Variants in ERI3 observed in about 807,000 individuals in gnomAD.
ERI3 encodes ERI1 exoribonuclease 3.
Under a neutral mutation model 44.4 loss-of-function variants are expected in ERI3, and 18 were observed. The ratio of observed to expected loss-of-function variants is 0.41; its 90% CI spans 0.28 to 0.60. The LOEUF is 0.60. ERI3 is among the 20% of genes least tolerant of loss of function. The probability of loss-of-function intolerance (pLI) is 0.36; values close to 1 mark genes in which losing one functional copy is unlikely to be tolerated. For missense variants in ERI3, 294 were observed against 435.5 expected, an observed-to-expected ratio of 0.68 and a Z score of 2.89; for synonymous variants, 183 against 164.8, an observed-to-expected ratio of 1.11 and a Z score of -0.84.
At position 44,228,838 on chromosome 1, in the gene ERI3, C is replaced by T. The variant is rs911576893; in HGVS notation, c.932-7198G>A. On this transcript the variant is annotated intron_variant, in intron 8 of 8. Transcript: ENST00000372257. The surrounding 1 kb of genome is among the most constrained non-coding windows in gnomAD (Gnocchi z 4.3). ...CACCAGGAACTCAACTCAGATTTGG[C>T]GAGGCAAAGGACATGATTGGTCCCA... Among the ~76,000 whole-genome samples the T allele has an allele frequency of 2.6e-5, 4 of 152,198 alleles. No individual in the cohort carries two copies. The highest frequency in any genetic ancestry group is 6.5e-5 in the Admixed American group (1 of 15,288).
chr1:44,313,914 T>C (rs1646026709), intron 4 of ERI3, among the ~76,000 whole-genome samples: 1 of 152,098 alleles, frequency 6.6e-6, no homozygotes, highest in Admixed American at 6.6e-5. Context: ...GACTCAGGCC[T>C]ATGCTCCACC....
intron 7 of ERI3, among the ~76,000 whole-genome samples, chr1:44,272,962 T>C (rs959304611): frequency 6.6e-6 from 1 of 152,108 alleles, no homozygotes; most frequent in Non-Finnish European, 1.5e-5. Context: ...ATACCCAAAA[T>C]ACAAGTTCCA....
At chr1:44,349,216 G>A (rs958988648) in intron 2 of ERI3, among the ~76,000 whole-genome samples, 6 of 152,084 alleles carry the variant, frequency 3.9e-5, no homozygotes, top group African/African-American at 9.7e-5. Flanking sequence ...GCAGTGGCTC[G>A]ATCTCAGCTC....
chr1:44,229,509 C>A lies in ERI3; in HGVS notation c.932-7869G>T, dbSNP rs115250450. Among the ~76,000 whole-genome samples, 763 of 152,278 alleles carry A rather than the reference C, an allele frequency of 5.0e-3. 8 individuals carry two copies. The highest frequency in any genetic ancestry group is 0.017 in the African/African-American group (721 of 41,542). On this transcript the variant is annotated intron_variant, in intron 8 of 8. Coordinates refer to ENST00000372257, the MANE Select transcript of ERI3 (RefSeq NM_024066.3). ...CGCTGCCCCAGAGAGCCAATTACCC[C>A]GCCCTGATTGGGATCAGATAAAGAG...
intron 7 of ERI3, among the ~76,000 whole-genome samples, chr1:44,275,418 T>C (rs570599839): frequency 6.6e-6 from 1 of 152,304 alleles, no homozygotes; most frequent in East Asian, 1.9e-4. Flanking sequence ...AGCAAAGAAC[T>C]TCATTAAGGC....
In ERI3 at chr1:44,232,321, T is replaced by G. The variant is rs1053285036; in HGVS notation, c.932-10681A>C. ...GTTGGTAACCGTTTTTTTCTTTTGC[T>G]CTCTTGAAACATTTGATCAAATTGT... On this transcript the variant is annotated intron_variant, in intron 8 of 8. Transcript: ENST00000372257. 3.3e-5 allele frequency among the ~76,000 whole-genome samples: 5 copies of G among 152,088 alleles called. No individual in the cohort carries two copies. The South Asian group carries it at 1.0e-3, about 31-fold the overall frequency.
chr1:44,244,478 C>G (rs1341488302), intron 8 of ERI3, among the ~76,000 whole-genome samples: 1 of 152,190 alleles, frequency 6.6e-6, no homozygotes, highest in Non-Finnish European at 1.5e-5. Flanking sequence ...TGACAGAGCA[C>G]TGTGTCTGCC....
At chr1:44,330,649 T>G (rs1261507147) in intron 3 of ERI3, among the ~76,000 whole-genome samples, 1 of 151,954 alleles carries the variant, frequency 6.6e-6, no homozygotes, top group African/African-American at 2.4e-5. Flanking sequence ...TTGCTGGGGG[T>G]GGGGGTAGCT....
intron 7 of ERI3, among the ~76,000 whole-genome samples, chr1:44,275,259 T>C (rs1029400590): frequency 2.6e-5 from 4 of 152,134 alleles, no homozygotes; most frequent in African/African-American, 7.2e-5. Flanking sequence ...CTAGCTTCTG[T>C]AGCAGCTTAA....
intron 8 of ERI3, among the ~76,000 whole-genome samples, chr1:44,230,648 C>T (rs974396056): frequency 6.6e-6 from 1 of 152,242 alleles, no homozygotes; most frequent in Non-Finnish European, 1.5e-5. Flanking sequence ...CCCAGACCCA[C>T]GTGCCAGCAG....
At chr1:44,348,301 A>G (rs569752878) in intron 2 of ERI3, among the ~76,000 whole-genome samples, 530 of 152,304 alleles carry the variant, frequency 3.5e-3, no homozygotes, top group Non-Finnish European at 5.8e-3. Context: ...AATACCATTA[A>G]AAGGATTAAT....
chr1:44,305,134 TC>T (rs549396558), intron 6 of ERI3, among the ~76,000 whole-genome samples: 75 of 152,266 alleles, frequency 4.9e-4, no homozygotes, highest in African/African-American at 1.8e-3. Context: ...TTCCCTCTTC[TC>T]AATCTTCCTT....
intron 8 of ERI3, among the ~76,000 whole-genome samples, chr1:44,222,133 G>A (rs1010865421): frequency 5.0e-4 from 76 of 152,214 alleles, no homozygotes; most frequent in African/African-American, 1.8e-3. Context: ...TCGTGTGTGT[G>A]GGAGATGTGA....
intron 3 of ERI3, among the ~76,000 whole-genome samples, chr1:44,332,665 C>T (rs572692164): frequency 2.0e-4 from 31 of 152,330 alleles, no homozygotes; most frequent in Non-Finnish European, 4.1e-4. Flanking sequence ...CAAATACAGA[C>T]AGGCCCTTCG....
At position 44,307,403 on chromosome 1, in the gene ERI3, TCAAACACACACACA is replaced by T. The variant is rs1015909840; in HGVS notation, c.758+893_758+906del. On this transcript the variant is annotated intron_variant, in intron 6 of 8. Transcript: ENST00000372257. The stretch of plus-strand genomic sequence containing the variant: ...AACATCCCACTTTATGCTCAAAAGT[TCAAACACACACACA>T]CAAACACACACACACAGAGACACAC... 6.6e-5 allele frequency among the ~76,000 whole-genome samples: 10 copies of T among 151,952 alleles called. No individual in the cohort carries two copies. In the East Asian group the frequency reaches 7.7e-4, roughly 12 times the overall value.
chr1:44,293,246 G>C (rs140030706), intron 6 of ERI3, among the ~76,000 whole-genome samples: 110 of 152,388 alleles, frequency 7.2e-4, no homozygotes, highest in Non-Finnish European at 1.2e-3. Flanking sequence ...CTCTCAAACA[G>C]GGAGGAGAGT....
chr1:44,259,121 G>C (rs1644835856), intron 7 of ERI3, among the ~76,000 whole-genome samples: 1 of 152,208 alleles, frequency 6.6e-6, no homozygotes, highest in African/African-American at 2.4e-5. Flanking sequence ...TCCTCAGAGA[G>C]CTTCCACAGC....
Position 44,350,140 on chromosome 1 carries a change from C to T in ERI3, c.211+2710G>A, listed in dbSNP as rs564702378. Among the ~76,000 whole-genome samples, 7 of 152,306 alleles carry T rather than the reference C, an allele frequency of 4.6e-5. No homozygotes were observed. The South Asian group carries it at 1.2e-3, about 27-fold the overall frequency. ...AAAGCTTAGGAAAATGGGTCATCCT[C>T]TGTGTGTACAGTTCAAGAAGTTCGA... On this transcript the variant is annotated intron_variant, in intron 2 of 8. Coordinates refer to ENST00000372257, the MANE Select transcript of ERI3 (RefSeq NM_024066.3).
At chr1:44,288,682 A>G (rs191000158) in intron 6 of ERI3, among the ~76,000 whole-genome samples, 1 of 152,214 alleles carries the variant, frequency 6.6e-6, no homozygotes, top group African/African-American at 2.4e-5. Context: ...CATAAGCTGT[A>G]TAGATACACT....
Sources: gnomAD v4.1 joint callset for allele counts (sites outside exome capture counted in the v4.1 genomes callset) on GRCh38, gnomAD v4.1.1 for gene constraint, Gnocchi (gnomAD v3.1) non-coding constraint, MANE v1.5 for transcripts, NCBI Gene and HGNC (gene_info 2026-07-23, HGNC 2026-07-21) for gene names.